The following CD300LD variants were observed in gnomAD, a reference collection of about 807,000 sequenced individuals.
CD300LD encodes CMRF35-like molecule 5.
CD300LD carries 18 observed loss-of-function variants against 20.3 expected under a neutral mutation model. The observed-to-expected ratio is 0.89, with a 90% CI of 0.61 to 1.32. CD300LD has a LOEUF of 1.32. CD300LD is among the 40% of genes most tolerant of loss of function. The probability of loss-of-function intolerance (pLI) is 0.00; values close to 1 mark genes in which losing one functional copy is unlikely to be tolerated. For synonymous variants in CD300LD, 104 were observed against 90.1 expected (o/e 1.15, Z -0.87); for missense variants, 195 against 226.6 (o/e 0.86, Z 0.90).
chr17:74,588,610 T>A lies in CD300LD; in HGVS notation c.280A>T (p.Met94Leu). The A allele has an allele frequency of 6.2e-7, 1 of 1,614,106 alleles. No individual in the cohort carries two copies. Among genetic ancestry groups the A allele is most frequent in the Non-Finnish European group, 8.5e-7 (1 of 1,179,950 alleles). ...GCATCATCTCTTTTGAGATTCTCCA[T>A]GGTCACGGTGAACACGTGGTTTTTC... ...NQKNHVFTVTMENLKRDDADS... is the reference protein window; with the variant it reads ...NQKNHVFTVTLENLKRDDADS... The change falls in exon 2 of 4, where the codon ATG (methionine) becomes TTG (leucine). Residue 94 changes from methionine (M) to leucine (L), a missense_variant. Coordinates refer to ENST00000375352, the MANE Select transcript of CD300LD (RefSeq NM_001115152.2).
At chr17:74,580,442 C>T (rs1489909048) in intron 3 of CD300LD, among the ~76,000 whole-genome samples, 1 of 152,252 alleles carries the variant, frequency 6.6e-6, no homozygotes, top group Admixed American at 6.5e-5. Flanking sequence ...GCTTCTGCTG[C>T]ATTCTGCACC....
At position 74,580,003 on chromosome 17, in the gene CD300LD, C is replaced by G; in HGVS notation, c.584G>C (p.Ter195SerextTer15). The G allele has an allele frequency of 6.2e-7, 1 of 1,606,056 alleles. No homozygotes were observed. The change falls in exon 4 of 4, where the codon TGA becomes TCA. Residue 195 changes from the stop codon to serine, a stop_lost. Transcript: ENST00000375352. Reference sequence around the variant, plus strand: ...ATCATCGGGCTGACTCCTCCTCCTTCAAGACCTTCTTTGTGGTCTGTTTAC... The same window carrying G: ...ATCATCGGGCTGACTCCTCCTCCTTGAAGACCTTCTTTGTGGTCTGTTTAC... ...LWVNRPQRRS[*>S]
At chr17:74,590,899 G>A (rs902021961) in intron 1 of CD300LD, among the ~76,000 whole-genome samples, 10 of 151,990 alleles carry the variant, frequency 6.6e-5, no homozygotes, top group African/African-American at 1.5e-4. Flanking sequence ...GCAACATAGC[G>A]AGACTAAATA....
chr17:74,586,502 C>A (rs2030161848), intron 2 of CD300LD, among the ~76,000 whole-genome samples: 1 of 151,614 alleles, frequency 6.6e-6, no homozygotes, highest in Non-Finnish European at 1.5e-5. Context: ...CAGAATGGCA[C>A]CCCCCTGTCG....
chr17:74,591,426 T>C (rs1046133969), intron 1 of CD300LD, among the ~76,000 whole-genome samples: 1 of 152,044 alleles, frequency 6.6e-6, no homozygotes, highest in African/African-American at 2.4e-5. Flanking sequence ...GTATCAAAAT[T>C]TGTTGACATG....
Position 74,588,534 on chromosome 17 carries a change from T to C in CD300LD, c.356A>G (p.Lys119Arg). ...ACCTGGGTTAATGGTCACTTGAACT[T>C]TGACCCCAAGATCAATTCCAGGTCT... ...TERPGIDLGV[K>R]VQVTINPGTQ... Residue 119 changes from lysine to arginine, a missense_variant, in exon 2 of 4, where the codon AAA becomes AGA. Coordinates refer to ENST00000375352, the MANE Select transcript of CD300LD (RefSeq NM_001115152.2). The C allele has an allele frequency of 6.2e-7, 1 of 1,612,286 alleles. No homozygotes were observed. The highest frequency in any genetic ancestry group is 8.5e-7 in the Non-Finnish European group (1 of 1,178,828).
chr17:74,584,984 T>C (rs985636081), intron 2 of CD300LD: 1 of 152,266 alleles, frequency 6.6e-6, no homozygotes, highest in African/African-American at 2.4e-5. Flanking sequence ...GGTACTGGGA[T>C]ATCAGGTCAG....
At position 74,588,578 on chromosome 17, in the gene CD300LD, A is replaced by G. The variant is rs1484924804; in HGVS notation, c.312T>C (p.Ser104=). The G allele has an allele frequency of 1.2e-6, 2 of 1,613,948 alleles. No individual in the cohort carries two copies. Among genetic ancestry groups the G allele is most frequent in the Non-Finnish European group, 1.7e-6 (2 of 1,179,980 alleles). The part of the protein sequence containing the change: ...MENLKRDDAD[S]YWCGTERPGI... ...CAGGTCTCTCAGTCCCACACCAATA[A>G]CTGTCAGCATCATCTCTTTTGAGAT... Residue 104 remains serine, a synonymous_variant, in exon 2 of 4, where the codon AGT becomes AGC. Coordinates refer to ENST00000375352, the MANE Select transcript of CD300LD (RefSeq NM_001115152.2).
intron 1 of CD300LD, among the ~76,000 whole-genome samples, chr17:74,590,940 A>G (rs2030296652): frequency 1.3e-5 from 2 of 152,018 alleles, no homozygotes; most frequent in African/African-American, 4.8e-5. Flanking sequence ...GTGTCGCACC[A>G]CATGCCTGTA....
intron 2 of CD300LD, among the ~76,000 whole-genome samples, chr17:74,582,546 A>G (rs563907094): frequency 6.6e-6 from 1 of 152,376 alleles, no homozygotes; most frequent in Non-Finnish European, 1.5e-5. Context: ...CATCAGTTGC[A>G]TGGCACAGCT....
intron 1 of CD300LD, among the ~76,000 whole-genome samples, chr17:74,589,984 T>G (rs1413263950): frequency 6.6e-6 from 1 of 152,232 alleles, no homozygotes. Flanking sequence ...ATAAGTTTTG[T>G]GAACCTGGGC....
intron 1 of CD300LD, among the ~76,000 whole-genome samples, chr17:74,589,166 A>C (rs972043382): frequency 2.6e-5 from 4 of 152,224 alleles, no homozygotes; most frequent in Admixed American, 6.5e-5. Context: ...TTTGGCAACC[A>C]TCTTTGTGTT....
chr17:74,591,268 A>AAT lies in CD300LD; in HGVS notation c.40+894_40+895insAT, dbSNP rs2030310338. 3.4e-4 allele frequency among the ~76,000 whole-genome samples: 49 copies of AAT among 142,386 alleles called. 1 individual carries two copies. Among genetic ancestry groups the AAT allele is most frequent in the South Asian group, 1.1e-3 (5 of 4,606 alleles). 93.4% of individuals were successfully genotyped at this position (142,386 alleles called of 152,430 possible). On this transcript the variant is annotated intron_variant, in intron 1 of 3. Transcript: ENST00000375352. ...ATCTCTACAAAAAAAAAAAAAATAAAAATAATAATAATAATAATAATAATC... is the reference window on the plus strand; with the variant it reads ...ATCTCTACAAAAAAAAAAAAAATAAAATAATAATAATAATAATAATAATAATC...
At chr17:74,591,894 C>T in intron 1 of CD300LD, 1 of 694,344 alleles carries the variant, frequency 1.4e-6, no homozygotes, top group Non-Finnish European at 2.2e-6. Context: ...TCTGTTCATT[C>T]ATCTGTTTAT....
intron 2 of CD300LD, among the ~76,000 whole-genome samples, chr17:74,587,561 G>A (rs955557324): frequency 6.6e-5 from 10 of 151,946 alleles, no homozygotes; most frequent in East Asian, 3.9e-4. Flanking sequence ...TTTTGTTTTC[G>A]ATTTCATTAA....
chr17:74,582,432 G>T, intron 2 of CD300LD, 121 bp from the exon 3 acceptor site: 2 of 644,612 alleles, frequency 3.1e-6, no homozygotes, highest in South Asian at 2.2e-5. Flanking sequence ...AAGACTGTCT[G>T]GTCAGCATCC....
chr17:74,584,820 G>A (rs2030118468), intron 2 of CD300LD: 2 of 154,436 alleles, frequency 1.3e-5, no homozygotes, highest in Non-Finnish European at 2.9e-5. Flanking sequence ...GCCGGGACAG[G>A]AACGTGAGCA....
chr17:74,584,477 G>A (rs551078802), intron 2 of CD300LD, among the ~76,000 whole-genome samples: 8 of 152,100 alleles, frequency 5.3e-5, no homozygotes, highest in African/African-American at 1.7e-4. Flanking sequence ...AACTGGCAAC[G>A]GTGTCTGCTG....
At chr17:74,581,195 G>C (rs769056710) in intron 3 of CD300LD, among the ~76,000 whole-genome samples, 1 of 152,028 alleles carries the variant, frequency 6.6e-6, no homozygotes, top group Non-Finnish European at 1.5e-5. Flanking sequence ...AACAGTCGAG[G>C]AGTCCTAAAG....
Sources: allele counts gnomAD v4.1 joint callset (sites outside exome capture counted in the v4.1 genomes callset), GRCh38; gene constraint gnomAD v4.1.1; transcripts MANE v1.5; gene names NCBI Gene and HGNC (gene_info 2026-07-23, HGNC 2026-07-21).